Variants in PLEKHA5 observed in about 807,000 individuals in gnomAD.
PLEKHA5 encodes pleckstrin homology domain containing A5, also known as pleckstrin homology domain-containing family A member 5.
Under a neutral mutation model 181.9 loss-of-function variants are expected in PLEKHA5, and 55 were observed. The ratio of observed to expected loss-of-function variants is 0.30; its 90% CI spans 0.24 to 0.38. The LOEUF is 0.38. PLEKHA5 is among the 10% of genes least tolerant of loss of function. The pLI, the probability that PLEKHA5 is intolerant of heterozygous loss-of-function variation, is 1.00. For synonymous variants in PLEKHA5, 535 were observed against 529.4 expected, an observed-to-expected ratio of 1.01 and a Z score of -0.15; for missense variants, 1,432 against 1,549.5, an observed-to-expected ratio of 0.92 and a Z score of 1.27.
intron 15 of PLEKHA5, among the ~76,000 whole-genome samples, chr12:19,297,669 A>G (rs1343253691): frequency 4.0e-5 from 6 of 150,400 alleles, no homozygotes; most frequent in Admixed American, 3.3e-4. Context: ...AAGCATACCT[A>G]TGTATTCTTT....
chr12:19,189,288 A>G (rs1407093848), intron 3 of PLEKHA5, among the ~76,000 whole-genome samples: 5 of 152,244 alleles, frequency 3.3e-5, no homozygotes, highest in Non-Finnish European at 7.3e-5. Flanking sequence ...GAGTAGAAAC[A>G]AGGAGAATAG....
intron 31 of PLEKHA5, among the ~76,000 whole-genome samples, chr12:19,374,382 G>A (rs554987887): frequency 2.4e-4 from 37 of 152,200 alleles, no homozygotes; most frequent in African/African-American, 6.5e-4. Context: ...TATGTTGGCC[G>A]GGCACAGTGG....
chr12:19,345,260 C>G (rs1039050661), intron 22 of PLEKHA5, among the ~76,000 whole-genome samples: 1 of 151,654 alleles, frequency 6.6e-6, no homozygotes, highest in African/African-American at 2.4e-5. Context: ...ATTAGCCATG[C>G]ATGGTGGCGT....
intron 15 of PLEKHA5, among the ~76,000 whole-genome samples, chr12:19,310,586 T>G (rs2131134): frequency 0.29 from 40,945 of 140,690 alleles, 6,317 homozygotes; most frequent in South Asian, 0.42. Context: ...CTCCAGCCTG[T>G]GTGACAGAGC....
In PLEKHA5 at chr12:19,320,637, A is replaced by G. The variant is rs372119779; in HGVS notation, c.2217+13A>G. ...AGTAGATATTGATGTAAGTATTAGT[A>G]TGATATATGTGGTCAGTACTCTGTC... is the stretch of plus-strand genomic sequence containing the variant. On this transcript the variant is annotated intron_variant, in intron 18 of 31. Transcript: ENST00000429027. 18 of 1,228,908 alleles carry G rather than the reference A, an allele frequency of 1.5e-5. No homozygotes were observed. Among genetic ancestry groups the G allele is most frequent in the East Asian group, 4.7e-5 (2 of 42,190 alleles). 76.1% of individuals were successfully genotyped at this position (1,228,908 alleles called of 1,614,324 possible). A position where few individuals can be genotyped will look rare whatever the true frequency, so the allele number is the denominator to read the frequency against.
intron 29 of PLEKHA5, among the ~76,000 whole-genome samples, chr12:19,363,739 G>A (rs1432605889): frequency 3.3e-5 from 5 of 152,030 alleles, no homozygotes; most frequent in African/African-American, 9.7e-5. Context: ...TGATCCACCC[G>A]CCTCAGCCTC....
chr12:19,283,864 C>A, intron 12 of PLEKHA5, 119 bp downstream of exon 12: 1 of 628,704 alleles, frequency 1.6e-6, no homozygotes, highest in Non-Finnish European at 2.7e-6. Flanking sequence ...CAAGGCAGCT[C>A]TTTTTTGTTT....
intron 3 of PLEKHA5, among the ~76,000 whole-genome samples, chr12:19,196,748 C>T (rs149776074): frequency 3.6e-4 from 55 of 151,264 alleles, no homozygotes; most frequent in African/African-American, 1.3e-3. Context: ...TGGCTGCTAT[C>T]GTGTTGCTGC....
chr12:19,244,975 A>G (rs1382066589), intron 3 of PLEKHA5, among the ~76,000 whole-genome samples: 1 of 152,148 alleles, frequency 6.6e-6, no homozygotes, highest in Non-Finnish European at 1.5e-5. Context: ...TGAAATAGAG[A>G]TTTAAAAAAA....
chr12:19,182,059 TTA>T (rs1371868722), intron 3 of PLEKHA5, among the ~76,000 whole-genome samples: 4 of 152,186 alleles, frequency 2.6e-5, no homozygotes, highest in Admixed American at 2.0e-4. Context: ...CAGCAAACAG[TTA>T]TGTTTTTTAA....
chr12:19,275,106 A>C lies in PLEKHA5; in HGVS notation c.1313+123A>C, dbSNP rs1038127224. The C allele has an allele frequency of 4.7e-6, 3 of 636,122 alleles. No homozygotes were observed. The African/African-American group carries it at 5.5e-5, about 12-fold the overall frequency. 39.4% of individuals were successfully genotyped at this position (636,122 alleles called of 1,614,324 possible). On this transcript the variant is annotated intron_variant, in intron 11 of 31. Transcript: ENST00000429027. ...GTGTTTTAGCTGTTATAGCTTCATT[A>C]CTACGTCTTTTGTTTATAATGATCA...
At chr12:19,135,881 GTT>G (rs71064059) in intron 3 of PLEKHA5, among the ~76,000 whole-genome samples, 6 of 128,964 alleles carry the variant, frequency 4.7e-5, no homozygotes, top group Non-Finnish European at 5.0e-5. Flanking sequence ...ATCTTACTTT[GTT>G]TTTTTTTTTT....
chr12:19,275,385 C>T (rs1381950577), intron 11 of PLEKHA5, among the ~76,000 whole-genome samples: 1 of 152,158 alleles, frequency 6.6e-6, no homozygotes, highest in East Asian at 1.9e-4. Flanking sequence ...TCTCCTGAGA[C>T]AAGTAATATG....
intron 16 of PLEKHA5, among the ~76,000 whole-genome samples, chr12:19,315,744 A>C (rs2088383273): frequency 6.6e-6 from 1 of 152,166 alleles, no homozygotes; most frequent in Admixed American, 6.5e-5. Flanking sequence ...TTTTGATTTA[A>C]ATATATAAGG....
At chr12:19,181,128 T>A (rs1221343910) in intron 3 of PLEKHA5, among the ~76,000 whole-genome samples, 1 of 152,236 alleles carries the variant, frequency 6.6e-6, no homozygotes, top group East Asian at 1.9e-4. Context: ...CACTATTTAC[T>A]TGAGATGACC....
intron 3 of PLEKHA5, among the ~76,000 whole-genome samples, chr12:19,238,677 A>G (rs2152432825): frequency 6.6e-6 from 1 of 152,268 alleles, no homozygotes; most frequent in East Asian, 1.9e-4. Context: ...TATTCAGTAT[A>G]CATTTTAAAC....
chr12:19,323,016 ATTTTTTTT>A lies in PLEKHA5; in HGVS notation c.2448+368_2448+375del, dbSNP rs538132540. 6.7e-3 allele frequency among the ~76,000 whole-genome samples: 618 copies of A among 92,754 alleles called. 7 individuals carry two copies. Among genetic ancestry groups the A allele is most frequent in the African/African-American group, 0.026 (597 of 23,134 alleles). 60.9% of individuals were successfully genotyped at this position (92,754 alleles called of 152,430 possible). The stretch of plus-strand genomic sequence containing the variant: ...GGCTGGCACTACTACACCTGGCTAG[ATTTTTTTT>A]TTTTTTTTTTTTTTTTTTCATAGAA... On this transcript the variant is annotated intron_variant, in intron 20 of 31. Coordinates refer to ENST00000429027, the MANE Select transcript of PLEKHA5 (RefSeq NM_001256470.2).
intron 3 of PLEKHA5, among the ~76,000 whole-genome samples, chr12:19,161,121 A>T (rs1386136184): frequency 1.3e-5 from 2 of 152,172 alleles, no homozygotes; most frequent in Non-Finnish European, 2.9e-5. Flanking sequence ...TAATATTTTA[A>T]GTTAGAAATA....
rs139689164 is a variant in PLEKHA5, at chr12:19,195,821, T to C, written c.228-58119T>C. 3.9e-3 allele frequency among the ~76,000 whole-genome samples: 599 copies of C among 152,214 alleles called. 5 individuals carry two copies. Among genetic ancestry groups the C allele is most frequent in the Middle Eastern group, 0.014 (4 of 294 alleles). ...AAATAATGTATGTATATCATAGATA[T>C]CTTCCATGGCAGTGCACACACTTCT... On this transcript the variant is annotated intron_variant, in intron 3 of 31. Coordinates refer to ENST00000429027, the MANE Select transcript of PLEKHA5 (RefSeq NM_001256470.2).
Sources: allele counts gnomAD v4.1 joint callset (sites outside exome capture counted in the v4.1 genomes callset), GRCh38; gene constraint gnomAD v4.1.1; transcripts MANE v1.5; gene names NCBI Gene and HGNC (gene_info 2026-07-23, HGNC 2026-07-21).